Variants in RCVRN observed in about 807,000 individuals in gnomAD.
RCVRN encodes recoverin, also known as cancer associated retinopathy antigen.
RCVRN carries 23 observed loss-of-function variants against 20.4 expected under a neutral mutation model. The observed-to-expected ratio is 1.13, with a 90% CI of 0.81 to 1.60. RCVRN has a LOEUF of 1.60. Ranked by LOEUF, RCVRN falls within the 40% of genes most tolerant of loss-of-function variation. The pLI, the probability that RCVRN is intolerant of heterozygous loss-of-function variation, is 0.00. For synonymous variants in RCVRN, 105 were observed against 105.9 expected (o/e 0.99, Z 0.05); for missense variants, 254 against 254.2 (o/e 1.00, Z 0.00).
chr17:9,896,668 C>T lies in RCVRN; in HGVS notation c.*1427G>A, dbSNP rs2067318303. On this transcript the variant is annotated 3_prime_UTR_variant, in exon 3 of 3. Coordinates refer to ENST00000226193, the MANE Select transcript of RCVRN (RefSeq NM_002903.3). ...GGCCGGTGGGTAGCCCTTGCCTGAC[C>T]TCTGCTCATCAGCTGGCTGCCCTTG... The T allele has an allele frequency of 6.6e-6, 1 of 152,210 alleles. No individual in the cohort carries two copies. The highest frequency in any genetic ancestry group is 1.5e-5 in the Non-Finnish European group (1 of 68,082). The allele number at this position is 152,210 out of a possible 1,614,324, so 9.4% of individuals were successfully genotyped here. A position where few individuals can be genotyped will look rare whatever the true frequency, so the allele number is the denominator to read the frequency against.
chr17:9,898,406 C>G (rs1038526694), intron 2 of RCVRN, among the ~76,000 whole-genome samples: 9 of 152,174 alleles, frequency 5.9e-5, no homozygotes, highest in Admixed American at 2.6e-4. Flanking sequence ...ACCCTTGGAG[C>G]TCCCTGCAGA....
In RCVRN at chr17:9,904,763, G is replaced by A. The variant is rs563248903; in HGVS notation, c.381+37C>T. On this transcript the variant is annotated intron_variant, in intron 1 of 2. Transcript: ENST00000226193. The surrounding 1 kb of genome is among the most constrained non-coding windows in gnomAD (Gnocchi z 5.8). ...GGGACCCCCAGCCCGGAGCGACCCCGGCACCGCCCAGCCAGAAGGGGAGAG... is the reference window on the plus strand; with the variant it reads ...GGGACCCCCAGCCCGGAGCGACCCCAGCACCGCCCAGCCAGAAGGGGAGAG... 144 of 1,588,714 alleles carry A rather than the reference G, an allele frequency of 9.1e-5. 1 individual carries two copies. In the South Asian group the frequency reaches 1.3e-3, roughly 15 times the overall value.
intron 1 of RCVRN, among the ~76,000 whole-genome samples, chr17:9,902,049 C>T: frequency 6.6e-6 from 1 of 151,646 alleles, no homozygotes; most frequent in Non-Finnish European, 1.5e-5. Flanking sequence ...CTTCTCCTCC[C>T]TCCCTTCCTT....
chr17:9,900,602 C>T (rs2067337291), intron 2 of RCVRN, among the ~76,000 whole-genome samples: 1 of 150,846 alleles, frequency 6.6e-6, no homozygotes, highest in African/African-American at 2.5e-5. Flanking sequence ...TGTTTTCCTT[C>T]TTCAGCCTTT....
chr17:9,898,256 C>T (rs746866860), intron 2 of RCVRN, 52 bp from the exon 3 acceptor site: 1 of 1,126,108 alleles, frequency 8.9e-7, no homozygotes. Flanking sequence ...GGATTGATAG[C>T]CAAGTGAGCT....
Position 9,905,081 on chromosome 17 carries a change from A to G in RCVRN, c.100T>C (p.Ser34Pro). 6.2e-7 allele frequency: 1 copy of G among 1,611,002 alleles called. No individual in the cohort carries two copies. Among genetic ancestry groups the G allele is most frequent in the East Asian group, 2.2e-5 (1 of 44,776 alleles). Residue 34 changes from serine (S) to proline (P), a missense_variant, in exon 1 of 3, where the codon TCC becomes CCC. By Grantham distance (74) the Ser-to-Pro change is moderately conservative. Transcript: ENST00000226193. ...CCGGTGGGACAGTCCTTCAGGAAGG[A>G]CTGGTACCAGGAGCACAGCTCCTCC... ...SEEELCSWYQ[S>P]FLKDCPTGRI... is the part of the protein sequence containing the mutation.
At chr17:9,903,415 C>A (rs990836324) in intron 1 of RCVRN, among the ~76,000 whole-genome samples, 3 of 152,288 alleles carry the variant, frequency 2.0e-5, no homozygotes, top group African/African-American at 7.2e-5. Flanking sequence ...TGTCAGGAGC[C>A]GGGGAGCCAC....
At chr17:9,902,892 G>A (rs1030266298) in intron 1 of RCVRN, among the ~76,000 whole-genome samples, 2 of 152,174 alleles carry the variant, frequency 1.3e-5, no homozygotes, top group African/African-American at 4.8e-5. Flanking sequence ...GTGAGGCTGA[G>A]GCAGGAGAAT....
chr17:9,904,409 G>A lies in RCVRN; in HGVS notation c.381+391C>T, dbSNP rs1042730913. Among the ~76,000 whole-genome samples, 6 of 152,260 alleles carry A rather than the reference G, an allele frequency of 3.9e-5. No individual in the cohort carries two copies. Among genetic ancestry groups the A allele is most frequent in the African/African-American group, 1.4e-4 (6 of 41,552 alleles). On this transcript the variant is annotated intron_variant, in intron 1 of 2. Transcript: ENST00000226193. The surrounding 1 kb of genome is among the most constrained non-coding windows in gnomAD (Gnocchi z 5.8). ...ACCGTACACAACTACAGACTTTACG[G>A]ATACACTTAGGCTACACTAAATGCA...
Position 9,900,980 on chromosome 17 carries a change from G to C in RCVRN, c.493+9C>G. 6.6e-7 allele frequency: 1 copy of C among 1,517,804 alleles called. No individual in the cohort carries two copies. The highest frequency in any genetic ancestry group is 9.1e-7 in the Non-Finnish European group (1 of 1,100,948). The allele number at this position is 1,517,804 out of a possible 1,614,324, so 94.0% of individuals were successfully genotyped here. On this transcript the variant is annotated intron_variant, in intron 2 of 2. Transcript: ENST00000226193. ...AAAAATCAAAGGCAATGAAGGAAAA[G>C]GAATTCACCATCATCATTCTTTCCA...
rs548748467 is a variant in RCVRN at position 9,902,735 on chromosome 17, C to T, written c.382-1635G>A. The stretch of plus-strand genomic sequence containing the variant: ...GGAAGAGGTTGGGTGCGGAAGCTCA[C>T]GCCTGTAATCCCAGCACTTTGGGAG... On this transcript the variant is annotated intron_variant, in intron 1 of 2. Transcript: ENST00000226193. 3.3e-5 allele frequency among the ~76,000 whole-genome samples: 5 copies of T among 152,264 alleles called. 1 individual carries two copies. In the South Asian group the frequency reaches 6.2e-4, roughly 19 times the overall value.
In RCVRN at chr17:9,897,939, GC is replaced by G. The variant is rs2067324635; in HGVS notation, c.*155del. On this transcript the variant is annotated 3_prime_UTR_variant, in exon 3 of 3. Coordinates refer to ENST00000226193, the MANE Select transcript of RCVRN (RefSeq NM_002903.3). ...ATGCTTCAGTTTGGCAGGGAGCTGTGCTGTGGGCTTGTGTGCAGGCCTTTCT... is the reference window on the plus strand; with the variant it reads ...ATGCTTCAGTTTGGCAGGGAGCTGTGTGTGGGCTTGTGTGCAGGCCTTTCT... 1.6e-6 allele frequency: 1 copy of G among 635,610 alleles called. No homozygotes were observed. The allele number at this position is 635,610 out of a possible 1,614,324, so 39.4% of individuals were successfully genotyped here. A position where few individuals can be genotyped will look rare whatever the true frequency, so the allele number is the denominator to read the frequency against.
rs142643667 is a variant in RCVRN, at chr17:9,899,003, C to A, written c.494-799G>T. On this transcript the variant is annotated intron_variant, in intron 2 of 2. Transcript: ENST00000226193. This position sits in a 1 kb window ranked among gnomAD's most constrained non-coding sequence, Gnocchi z 4.6. The stretch of plus-strand genomic sequence containing the variant: ...AGCCCAGATGCCACTGTGCTTGGAG[C>A]CAAGGCCACCACAGGGAGCGGAGGC... Among the ~76,000 whole-genome samples, 278 of 152,274 alleles carry A rather than the reference C, an allele frequency of 1.8e-3. 2 individuals carry two copies. The highest frequency in any genetic ancestry group is 3.0e-3 in the Admixed American group (46 of 15,300).
chr17:9,903,565 A>C (rs1339307216), intron 1 of RCVRN, among the ~76,000 whole-genome samples: 2 of 152,274 alleles, frequency 1.3e-5, no homozygotes, highest in Non-Finnish European at 1.5e-5. Flanking sequence ...TTGTGTGTTT[A>C]GAATGAACAG....
At position 9,905,094 on chromosome 17, in the gene RCVRN, G is replaced by A; in HGVS notation, c.87C>T (p.Cys29=). ...CCTTCAGGAAGGACTGGTACCAGGA[G>A]CACAGCTCCTCCTCCGAGAACTTGG... ...LNTKFSEEEL[C]SWYQSFLKDC... Residue 29 remains cysteine (C), a synonymous_variant, in exon 1 of 3, where the codon TGC becomes TGT. Coordinates refer to ENST00000226193, the MANE Select transcript of RCVRN (RefSeq NM_002903.3). The A allele has an allele frequency of 6.2e-7, 1 of 1,610,460 alleles. No homozygotes were observed. The highest frequency in any genetic ancestry group is 8.5e-7 in the Non-Finnish European group (1 of 1,178,350).
In RCVRN at chr17:9,898,007, CGTGTGTGTGCAT is replaced by C. The variant is rs2067325651; in HGVS notation, c.*76_*87del. 2.5e-6 allele frequency: 2 copies of C among 799,832 alleles called. No homozygotes were observed. The highest frequency in any genetic ancestry group is 1.4e-5 in the South Asian group (1 of 70,620). The allele number at this position is 799,832 out of a possible 1,614,324, so 49.5% of individuals were successfully genotyped here. ...ATGTGTGTGTGTGTGTGTGCGCGCG[CGTGTGTGTGCAT>C]GTGTGTGTGTGTGCACAGGCGCTCA... is the stretch of plus-strand genomic sequence containing the variant. On this transcript the variant is annotated 3_prime_UTR_variant, in exon 3 of 3. Transcript: ENST00000226193.
rs1242070562 is a variant in RCVRN, at chr17:9,904,282, A to G, written c.381+518T>C. Among the ~76,000 whole-genome samples, 2 of 152,156 alleles carry G rather than the reference A, an allele frequency of 1.3e-5. No individual in the cohort carries two copies. The highest frequency in any genetic ancestry group is 2.9e-5 in the Non-Finnish European group (2 of 68,024). On this transcript the variant is annotated intron_variant, in intron 1 of 2. Transcript: ENST00000226193. This position sits in a 1 kb window ranked among gnomAD's most constrained non-coding sequence, Gnocchi z 5.8. ...AAAAAACCAAGATACAAAATGGTAG[A>G]CCTGTCTAGGGCACTCACCATGAGT...
At chr17:9,902,299 TGA>T (rs2067344930) in intron 1 of RCVRN, among the ~76,000 whole-genome samples, 1 of 152,004 alleles carries the variant, frequency 6.6e-6, no homozygotes, top group Non-Finnish European at 1.5e-5. Context: ...AAGATAACAA[TGA>T]GAGAGACACA....
Position 9,904,765 on chromosome 17 carries a change from C to A in RCVRN, c.381+35G>T. On this transcript the variant is annotated intron_variant, in intron 1 of 2. Transcript: ENST00000226193. This position sits in a 1 kb window ranked among gnomAD's most constrained non-coding sequence, Gnocchi z 5.8. Reference sequence around the variant, plus strand: ...GACCCCCAGCCCGGAGCGACCCCGGCACCGCCCAGCCAGAAGGGGAGAGGG... The same window carrying A: ...GACCCCCAGCCCGGAGCGACCCCGGAACCGCCCAGCCAGAAGGGGAGAGGG... 1 of 1,591,658 alleles carries A rather than the reference C, an allele frequency of 6.3e-7. No individual in the cohort carries two copies. Among genetic ancestry groups the A allele is most frequent in the South Asian group, 1.1e-5 (1 of 87,508 alleles).
Sources: allele counts gnomAD v4.1 joint callset (sites outside exome capture counted in the v4.1 genomes callset), GRCh38; gene constraint gnomAD v4.1.1; non-coding constraint Gnocchi (gnomAD v3.1); transcripts MANE v1.5; gene names NCBI Gene and HGNC (gene_info 2026-07-23, HGNC 2026-07-21).